VNN1: variants seen among roughly 807,000 people sequenced by gnomAD.
VNN1 encodes the protein pantetheinase.
A neutral mutation model predicts 41.9 loss-of-function variants in VNN1; 29 were observed. The ratio of observed to expected loss-of-function variants is 0.69; its 90% CI spans 0.52 to 0.94. The LOEUF (loss-of-function observed/expected upper bound fraction) is 0.94, where lower values mean the gene tolerates loss of function less well. Among genes scored for constraint, VNN1 ranks in the 40% least tolerant of loss-of-function variants. The pLI is 0.00. For missense variants in VNN1, 637 were observed against 621.1 expected, an observed-to-expected ratio of 1.03 and a Z score of -0.27; for synonymous variants, 233 against 224.4, an observed-to-expected ratio of 1.04 and a Z score of -0.34.
chr6:132,711,898 T>A, intron 1 of VNN1, 59 bp from the exon 2 acceptor site: 1 of 1,585,458 alleles, frequency 6.3e-7, no homozygotes, highest in South Asian at 1.2e-5. Flanking sequence ...AGGAGCTGAG[T>A]GGCTGAGTAA....
In VNN1 at chr6:132,713,902, G is replaced by C. The variant is rs1229808125; in HGVS notation, c.134C>G (p.Ser45Cys). ...CATTAATGCCAAAGCCTCCTCACGA[G>C]ACACTGGTGTTAGGGTGGCATTGGG... ...ILPNATLTPV[S>C]REEALALMNR... Residue 45 changes from serine to cysteine, a missense_variant, in exon 1 of 7, where the codon TCT becomes TGT. Coordinates refer to ENST00000367928, the MANE Select transcript of VNN1 (RefSeq NM_004666.3). 6.2e-7 allele frequency: 1 copy of C among 1,614,050 alleles called. No individual in the cohort carries two copies. The highest frequency in any genetic ancestry group is 1.7e-5 in the Admixed American group (1 of 60,016).
intron 2 of VNN1, chr6:132,699,805 C>T (rs1778425939): frequency 6.6e-6 from 1 of 152,220 alleles, no homozygotes; most frequent in Admixed American, 6.5e-5. Context: ...AAAATGACTT[C>T]ACTGATCTTT....
intron 2 of VNN1, among the ~76,000 whole-genome samples, chr6:132,700,254 T>C (rs564583472): frequency 6.6e-6 from 1 of 152,288 alleles, no homozygotes; most frequent in South Asian, 2.1e-4. Context: ...GACTGTAAAG[T>C]AGTTATATGC....
At chr6:132,710,549 T>G (rs960204173) in intron 2 of VNN1, among the ~76,000 whole-genome samples, 2 of 151,986 alleles carry the variant, frequency 1.3e-5, no homozygotes, top group Non-Finnish European at 2.9e-5. Flanking sequence ...CAGGCCCCGG[T>G]GTGTGATGTT....
intron 5 of VNN1, among the ~76,000 whole-genome samples, chr6:132,687,475 G>A (rs893148884): frequency 2.9e-4 from 44 of 152,214 alleles, no homozygotes; most frequent in Non-Finnish European, 5.9e-4. Context: ...TTCACCATGA[G>A]GATAAAGGGA....
chr6:132,702,921 T>G (rs552093135), intron 2 of VNN1, among the ~76,000 whole-genome samples: 1 of 152,262 alleles, frequency 6.6e-6, no homozygotes, highest in African/African-American at 2.4e-5. Context: ...CCATGCTGGT[T>G]TCAGGTGTGA....
At chr6:132,690,479 C>G (rs562030779) in intron 5 of VNN1, among the ~76,000 whole-genome samples, 27 of 152,340 alleles carry the variant, frequency 1.8e-4, no homozygotes, top group African/African-American at 6.5e-4. Flanking sequence ...ATAATAGCAT[C>G]AGCTCCAGAA....
chr6:132,713,978 T>C lies in VNN1; in HGVS notation c.58A>G (p.Ser20Gly), dbSNP rs761587831. The change falls in exon 1 of 7, where the codon AGC becomes GGC. Residue 20 changes from serine (S) to glycine (G), a missense_variant. Physicochemically the swap from Ser to Gly is moderately conservative, Grantham distance 56. Coordinates refer to ENST00000367928, the MANE Select transcript of VNN1 (RefSeq NM_004666.3). Reference sequence around the variant, plus strand: ...GCTGCAGTGAAAGTGTCCTGGCAGCTGGCTCTTGAGACATAGAAAAGCAAA... The same window carrying C: ...GCTGCAGTGAAAGTGTCCTGGCAGCCGGCTCTTGAGACATAGAAAAGCAAA... ...AILLFYVSRA[S>G]CQDTFTAAVY... is the part of the protein sequence containing the mutation. 4.6e-5 allele frequency: 74 copies of C among 1,614,062 alleles called. No individual in the cohort carries two copies. The highest frequency in any genetic ancestry group is 8.3e-5 in the Admixed American group (5 of 60,004).
At chr6:132,694,558 T>C (rs1405785425) in intron 2 of VNN1, among the ~76,000 whole-genome samples, 1 of 152,124 alleles carries the variant, frequency 6.6e-6, no homozygotes, top group African/African-American at 2.4e-5. Context: ...AAGAGAGGCA[T>C]TAAAAAATAT....
chr6:132,693,201 G>A lies in VNN1; in HGVS notation c.649C>T (p.His217Tyr). 6.2e-7 allele frequency: 1 copy of A among 1,614,138 alleles called. No individual in the cohort carries two copies. The highest frequency in any genetic ancestry group is 8.5e-7 in the Non-Finnish European group (1 of 1,180,004). ...GIFTCFDILF[H>Y]DPAVTLVKDF... ...TTCACCAAGGTAACAGCAGGATCATGGAAGAGTATATCAAAGCATGTGAAA... is the reference window on the plus strand; with the variant it reads ...TTCACCAAGGTAACAGCAGGATCATAGAAGAGTATATCAAAGCATGTGAAA... Residue 217 changes from histidine (H) to tyrosine (Y), a missense_variant, in exon 4 of 7, where the codon CAT becomes TAT. Coordinates refer to ENST00000367928, the MANE Select transcript of VNN1 (RefSeq NM_004666.3).
chr6:132,685,351 C>G (rs1387274263), intron 5 of VNN1, among the ~76,000 whole-genome samples: 1 of 152,194 alleles, frequency 6.6e-6, no homozygotes, highest in Non-Finnish European at 1.5e-5. Flanking sequence ...TTGACTAAAG[C>G]AGCAGCCGCT....
In VNN1 at chr6:132,681,478, A is replaced by G. The variant is rs1778120124; in HGVS notation, c.*1662T>C. 6.6e-6 allele frequency: 1 copy of G among 152,212 alleles called. No homozygotes were observed. The highest frequency in any genetic ancestry group is 6.5e-5 in the Admixed American group (1 of 15,272). 9.4% of individuals were successfully genotyped at this position (152,212 alleles called of 1,614,324 possible). ...CCAGATCCTGACCCTCAGAAATGCT[A>G]TAAGATAATAAATGTTTGTTGTTTT... On this transcript the variant is annotated 3_prime_UTR_variant, in exon 7 of 7. Coordinates refer to ENST00000367928, the MANE Select transcript of VNN1 (RefSeq NM_004666.3).
In VNN1 at chr6:132,694,043, T is replaced by C. The variant is rs1778332000; in HGVS notation, c.481A>G (p.Asn161Asp). Residue 161 changes from asparagine to aspartate, a missense_variant, in exon 3 of 7, where the codon AAC (asparagine) becomes GAC (aspartate). Transcript: ENST00000367928. ...TGAGAATCAAATACCACATCAGTGT[T>C]GTATTGGTAACGGCCATCAGGGGGA... is the stretch of plus-strand genomic sequence containing the variant. ...QCPPDGRYQY[N>D]TDVVFDSQGK... is the part of the protein sequence containing the mutation. The C allele has an allele frequency of 2.5e-6, 4 of 1,614,038 alleles. No individual in the cohort carries two copies. The African/African-American group carries it at 4.0e-5, about 16-fold the overall frequency.
chr6:132,685,332 A>G (rs953983407), intron 5 of VNN1, among the ~76,000 whole-genome samples: 1 of 152,220 alleles, frequency 6.6e-6, no homozygotes, highest in African/African-American at 2.4e-5. Flanking sequence ...AGTCACCTTC[A>G]TCTCTTGCTT....
chr6:132,711,587 A>C, intron 2 of VNN1, 122 bp downstream of exon 2: 1 of 1,195,134 alleles, frequency 8.4e-7, no homozygotes, highest in Non-Finnish European at 1.1e-6. Flanking sequence ...TAGTAGATGA[A>C]AAATAAGCTA....
intron 5 of VNN1, among the ~76,000 whole-genome samples, chr6:132,686,936 A>G (rs529222347): frequency 6.6e-6 from 1 of 152,280 alleles, no homozygotes; most frequent in Non-Finnish European, 1.5e-5. Context: ...TAACAAAAAT[A>G]AAAGATTCAG....
chr6:132,703,674 AC>A (rs1158063018), intron 2 of VNN1, among the ~76,000 whole-genome samples: 3 of 152,164 alleles, frequency 2.0e-5, no homozygotes, highest in Non-Finnish European at 2.9e-5. Context: ...AAACAAAAAA[AC>A]AAAATGGCAG....
chr6:132,711,638 C>T, intron 2 of VNN1, 71 bp downstream of exon 2: 5 of 1,544,746 alleles, frequency 3.2e-6, no homozygotes, highest in Non-Finnish European at 4.4e-6. Context: ...ATGCAATGAT[C>T]ATCAACAAAG....
chr6:132,694,088 C>A lies in VNN1; in HGVS notation c.436G>T (p.Asp146Tyr). The A allele has an allele frequency of 1.2e-6, 2 of 1,614,122 alleles. No homozygotes were observed. The highest frequency in any genetic ancestry group is 1.7e-6 in the Non-Finnish European group (2 of 1,180,010). Reference protein sequence around the residue: ...VANIGDKKPCDTSDPQCPPDG... With the variant: ...VANIGDKKPCYTSDPQCPPDG... ...GGGGGACACTGAGGATCACTGGTAT[C>A]GCATGGCTTCTTGTCCCCAATATTT... Residue 146 changes from aspartate to tyrosine, a missense_variant, in exon 3 of 7, where the codon GAT (aspartate) becomes TAT (tyrosine). Coordinates refer to ENST00000367928, the MANE Select transcript of VNN1 (RefSeq NM_004666.3).
Sources: gnomAD v4.1 joint callset for allele counts (sites outside exome capture counted in the v4.1 genomes callset) on GRCh38, gnomAD v4.1.1 for gene constraint, MANE v1.5 for transcripts, NCBI Gene and HGNC (gene_info 2026-07-23, HGNC 2026-07-21) for gene names.